Variants in RALYL observed in about 807,000 individuals in gnomAD.
RALYL encodes the protein RALY RNA binding protein like, also known as RNA-binding Raly-like protein.
RALYL carries 29 observed loss-of-function variants against 35.1 expected under a neutral mutation model. The observed-to-expected ratio is 0.83, with a 90% CI of 0.61 to 1.13. The LOEUF is 1.13. Ranked by LOEUF, RALYL falls within the 50% of genes most tolerant of loss-of-function variation. RALYL has a pLI of 0.00. For synonymous variants in RALYL, 120 were observed against 127.6 expected (o/e 0.94, Z 0.40); for missense variants, 359 against 360.4 (o/e 1.00, Z 0.03).
intron 2 of RALYL, among the ~76,000 whole-genome samples, chr8:84,754,953 G>T (rs534754190): frequency 1.3e-5 from 2 of 152,070 alleles, no homozygotes; most frequent in Non-Finnish European, 2.9e-5. Flanking sequence ...GATGTGCTTG[G>T]GTAACTTGCC....
chr8:84,879,023 AAC>A (rs1841715527), intron 7 of RALYL, among the ~76,000 whole-genome samples: 1 of 152,124 alleles, frequency 6.6e-6, no homozygotes, highest in African/African-American at 2.4e-5. Flanking sequence ...CTTCACCAAA[AAC>A]ACAGCGATAA....
intron 2 of RALYL, among the ~76,000 whole-genome samples, chr8:84,670,613 A>G (rs1182260044): frequency 2.0e-5 from 3 of 152,194 alleles, no homozygotes; most frequent in African/African-American, 4.8e-5. Context: ...GAGCAAAGCT[A>G]TGTTTTACAT....
intron 1 of RALYL, among the ~76,000 whole-genome samples, chr8:84,495,064 A>T (rs1044010033): frequency 6.6e-6 from 1 of 152,122 alleles, no homozygotes; most frequent in Non-Finnish European, 1.5e-5. Flanking sequence ...ATTTTGAGAT[A>T]TGTTCCATCC....
At chr8:84,746,352 A>G (rs1212168471) in intron 2 of RALYL, among the ~76,000 whole-genome samples, 1 of 152,018 alleles carries the variant, frequency 6.6e-6, no homozygotes, top group African/African-American at 2.4e-5. Context: ...TAAAACTGAA[A>G]TTTTAGTAAT....
chr8:84,753,015 T>C (rs1013734058), intron 2 of RALYL, among the ~76,000 whole-genome samples: 1 of 152,178 alleles, frequency 6.6e-6, no homozygotes, highest in Non-Finnish European at 1.5e-5. Flanking sequence ...GCTTGCATTG[T>C]GTGCCTGGAA....
At chr8:84,378,594 T>A (rs1031629585) in intron 1 of RALYL, among the ~76,000 whole-genome samples, 1 of 151,898 alleles carries the variant, frequency 6.6e-6, no homozygotes, top group African/African-American at 2.4e-5. Flanking sequence ...AGCAAAGTTA[T>A]TTGTTGATAA....
intron 1 of RALYL, among the ~76,000 whole-genome samples, chr8:84,478,725 C>T (rs2053689002): frequency 6.6e-6 from 1 of 151,938 alleles, no homozygotes; most frequent in African/African-American, 2.4e-5. Flanking sequence ...CTCGTGTTCT[C>T]TCTTCCTTGC....
chr8:84,525,793 A>G (rs1257773173), intron 1 of RALYL, among the ~76,000 whole-genome samples: 16 of 152,044 alleles, frequency 1.1e-4, no homozygotes, highest in Admixed American at 1.0e-3. Context: ...TACAGTTTTT[A>G]TCTTTAAAAG....
At chr8:84,798,834 A>G (rs1822526903) in intron 3 of RALYL, among the ~76,000 whole-genome samples, 1 of 152,210 alleles carries the variant, frequency 6.6e-6, no homozygotes, top group Non-Finnish European at 1.5e-5. Context: ...CAAGAGAAAA[A>G]GCAGGATGCG....
chr8:84,406,986 T>TTC (rs1184828250), intron 1 of RALYL, among the ~76,000 whole-genome samples: 10 of 149,964 alleles, frequency 6.7e-5, no homozygotes, highest in African/African-American at 1.7e-4. Flanking sequence ...TTTTTGTTTG[T>TTC]TCTCTCTCTC....
At chr8:84,535,120 A>T (rs1273937814) in intron 2 of RALYL, among the ~76,000 whole-genome samples, 1 of 152,158 alleles carries the variant, frequency 6.6e-6, no homozygotes, top group Non-Finnish European at 1.5e-5. Context: ...TGCACATATT[A>T]TCTTCTTTGA....
intron 1 of RALYL, among the ~76,000 whole-genome samples, chr8:84,305,822 G>A (rs895669162): frequency 6.6e-6 from 1 of 152,018 alleles, no homozygotes; most frequent in Admixed American, 6.6e-5. Context: ...GAAAATTGAA[G>A]GTAAAATGAA....
At chr8:84,462,480 G>A (rs575582750) in intron 1 of RALYL, among the ~76,000 whole-genome samples, 1 of 149,740 alleles carries the variant, frequency 6.7e-6, no homozygotes, top group South Asian at 2.1e-4. Context: ...CAAACCTAAG[G>A]TCACCTAGAT....
At chr8:84,811,072 T>G (rs925921172) in intron 4 of RALYL, among the ~76,000 whole-genome samples, 1 of 152,130 alleles carries the variant, frequency 6.6e-6, no homozygotes, top group Non-Finnish European at 1.5e-5. Context: ...TTTTTTGTTT[T>G]TTTTTCTTTT....
chr8:84,496,845 T>A (rs1259534508), intron 1 of RALYL, among the ~76,000 whole-genome samples: 3 of 152,154 alleles, frequency 2.0e-5, no homozygotes, highest in Non-Finnish European at 4.4e-5. Context: ...TTTTAAGCAT[T>A]TATTATAATC....
intron 1 of RALYL, among the ~76,000 whole-genome samples, chr8:84,491,550 A>G (rs2055307469): frequency 6.6e-6 from 1 of 151,878 alleles, no homozygotes; most frequent in African/African-American, 2.4e-5. Context: ...GCTGATTCCT[A>G]CTAATGTTTC....
intron 2 of RALYL, among the ~76,000 whole-genome samples, chr8:84,683,772 C>T (rs574194106): frequency 3.3e-5 from 5 of 152,192 alleles, no homozygotes; most frequent in East Asian, 1.9e-4. Flanking sequence ...CTGCAACCTC[C>T]GCCTCCTGAT....
At chr8:84,414,751 G>T (rs2044460782) in intron 1 of RALYL, among the ~76,000 whole-genome samples, 2 of 152,038 alleles carry the variant, frequency 1.3e-5, no homozygotes, top group Non-Finnish European at 2.9e-5. Context: ...TGGCTTGCTG[G>T]TGCTTATACT....
intron 1 of RALYL, among the ~76,000 whole-genome samples, chr8:84,343,014 A>G (rs552768767): frequency 6.6e-6 from 1 of 152,244 alleles, no homozygotes; most frequent in African/African-American, 2.4e-5. Flanking sequence ...TAGGCAGCAC[A>G]GAAGTAAAGA....
Sources: allele counts gnomAD v4.1 joint callset (sites outside exome capture counted in the v4.1 genomes callset), GRCh38; gene constraint gnomAD v4.1.1; transcripts MANE v1.5; gene names NCBI Gene and HGNC (gene_info 2026-07-23, HGNC 2026-07-21).